Variants in DNAJB6 observed in about 807,000 individuals in gnomAD.
DNAJB6 encodes dnaJ homolog subfamily B member 6.
In DNAJB6, 16 loss-of-function variants were observed where a neutral mutation model predicts 42.7. The observed-to-expected ratio is 0.37, with a 90% CI of 0.25 to 0.57. The LOEUF is 0.57. DNAJB6 is among the 20% of genes least tolerant of loss of function. DNAJB6 has a pLI of 0.74. For missense variants in DNAJB6, 347 were observed against 416.8 expected, an observed-to-expected ratio of 0.83 and a Z score of 1.46; for synonymous variants, 170 against 163.5, an observed-to-expected ratio of 1.04 and a Z score of -0.30.
chr7:157,356,086 C>T (rs1358726250), intron 1 of DNAJB6, among the ~76,000 whole-genome samples: 1 of 152,178 alleles, frequency 6.6e-6, no homozygotes, highest in East Asian at 1.9e-4. Context: ...ATTGAATGGC[C>T]TCTTGCTATA....
Position 157,366,551 on chromosome 7 carries a change from T to G in DNAJB6, c.225T>G (p.Gly75=). The G allele has an allele frequency of 5.0e-6, 8 of 1,613,816 alleles. No homozygotes were observed. Among genetic ancestry groups the G allele is most frequent in the Non-Finnish European group, 6.8e-6 (8 of 1,179,900 alleles). ...YDKYGKEGLN[G]GGGGGSHFDS... ...AATATGGCAAAGAAGGATTAAATGG[T>G]GGAGGAGGAGGTAAGTACGTGAGTT... Residue 75 remains glycine (G), a synonymous_variant, in exon 4 of 10, where the codon GGT becomes GGG. Transcript: ENST00000262177.
chr7:157,415,545 C>T (rs1191746863), intron 9 of DNAJB6: 4 of 176,196 alleles, frequency 2.3e-5, no homozygotes, highest in East Asian at 3.1e-4. Context: ...CACACCTTTG[C>T]GCAGGCCCAG....
chr7:157,360,092 G>A (rs1253530167), intron 2 of DNAJB6, among the ~76,000 whole-genome samples: 3 of 152,220 alleles, frequency 2.0e-5, no homozygotes, highest in African/African-American at 4.8e-5. Flanking sequence ...GTTAATGGAT[G>A]TATTAGTCTG....
chr7:157,352,014 C>A (rs1020771620), intron 1 of DNAJB6, among the ~76,000 whole-genome samples: 1 of 150,428 alleles, frequency 6.6e-6, no homozygotes, highest in Non-Finnish European at 1.5e-5. Context: ...AACAAACAAA[C>A]AAACAAAAAA....
intron 8 of DNAJB6, among the ~76,000 whole-genome samples, chr7:157,404,892 G>A (rs918914552): frequency 6.6e-6 from 1 of 152,192 alleles, no homozygotes; most frequent in Non-Finnish European, 1.5e-5. Context: ...TCCTGCCTCA[G>A]CCTCCCAAAG....
Position 157,358,531 on chromosome 7 carries a change from C to A in DNAJB6, c.-26-16C>A. Reference sequence around the variant, plus strand: ...CCCCAGCAGCCTCATCACTGACCACCTGTTTTTACTTGCAGGACCCATTCC... The same window carrying A: ...CCCCAGCAGCCTCATCACTGACCACATGTTTTTACTTGCAGGACCCATTCC... On this transcript the variant is annotated splice_polypyrimidine_tract_variant and intron_variant, in intron 1 of 9. Transcript: ENST00000262177. The A allele has an allele frequency of 6.4e-7, 1 of 1,561,310 alleles. No homozygotes were observed. Among genetic ancestry groups the A allele is most frequent in the South Asian group, 1.1e-5 (1 of 89,890 alleles).
intron 9 of DNAJB6, chr7:157,413,555 A>G (rs1254537180): frequency 6.6e-6 from 1 of 152,228 alleles, no homozygotes; most frequent in Non-Finnish European, 1.5e-5. Flanking sequence ...CAAGTTTTTA[A>G]GTAGTCACTG....
chr7:157,410,266 G>A (rs1189520827), intron 9 of DNAJB6: 1 of 732,142 alleles, frequency 1.4e-6, no homozygotes, highest in Non-Finnish European at 2.0e-6. Flanking sequence ...GGATGACAGA[G>A]CTGCCACGGC....
At chr7:157,399,550 G>A (rs1350062373) in intron 8 of DNAJB6, among the ~76,000 whole-genome samples, 1 of 152,204 alleles carries the variant, frequency 6.6e-6, no homozygotes, top group Non-Finnish European at 1.5e-5. Context: ...CAGTCGGCCG[G>A]GCCCTGCAGC....
chr7:157,341,032 G>A, intron 1 of DNAJB6, among the ~76,000 whole-genome samples: 1 of 149,996 alleles, frequency 6.7e-6, no homozygotes, highest in Non-Finnish European at 1.5e-5. Context: ...TGTGTGCCCA[G>A]GCTGGTCTCG....
chr7:157,345,648 C>A (rs1297962536), intron 1 of DNAJB6, among the ~76,000 whole-genome samples: 1 of 152,100 alleles, frequency 6.6e-6, no homozygotes, highest in East Asian at 1.9e-4. Context: ...TCTGTTTCGG[C>A]TTTTGTTCCT....
chr7:157,340,443 T>C (rs1798301620), intron 1 of DNAJB6, among the ~76,000 whole-genome samples: 1 of 152,052 alleles, frequency 6.6e-6, no homozygotes, highest in African/African-American at 2.4e-5. Flanking sequence ...AAGAGCAAAG[T>C]TGGTGAAAAC....
chr7:157,352,070 G>A (rs986206777), intron 1 of DNAJB6, among the ~76,000 whole-genome samples: 7 of 152,036 alleles, frequency 4.6e-5, no homozygotes, highest in African/African-American at 1.4e-4. Flanking sequence ...TGTGGCTCAC[G>A]CCTGTATTCC....
intron 5 of DNAJB6, among the ~76,000 whole-genome samples, chr7:157,377,052 A>G (rs1211818888): frequency 6.6e-6 from 1 of 152,202 alleles, no homozygotes; most frequent in Non-Finnish European, 1.5e-5. Context: ...GTTAAGATAA[A>G]AGATCGTGGA....
At chr7:157,372,774 G>A (rs989233532) in intron 5 of DNAJB6, among the ~76,000 whole-genome samples, 1 of 152,170 alleles carries the variant, frequency 6.6e-6, no homozygotes, top group African/African-American at 2.4e-5. Context: ...AGTCCTGGAG[G>A]CTGGCCATGT....
chr7:157,392,568 C>T (rs78985854), intron 8 of DNAJB6, among the ~76,000 whole-genome samples: 1,678 of 152,206 alleles, frequency 0.011, 30 homozygotes, highest in East Asian at 0.06. Context: ...TTCTTGCCCG[C>T]GTTTCTGCCG....
rs371528962 is a variant in DNAJB6, at chr7:157,371,211, C to T, written c.346+3728C>T. ...AAGAATTGTCTTCCATGAAACCAGTCCCTGGTGGCAAAAAGGTTGGGGACC... is the reference window on the plus strand; with the variant it reads ...AAGAATTGTCTTCCATGAAACCAGTTCCTGGTGGCAAAAAGGTTGGGGACC... On this transcript the variant is annotated intron_variant, in intron 5 of 9. Transcript: ENST00000262177. 2.2e-4 allele frequency among the ~76,000 whole-genome samples: 34 copies of T among 152,350 alleles called. 1 individual carries two copies. In the South Asian group the frequency reaches 6.8e-3, roughly 31 times the overall value.
rs1022253448 is a variant in DNAJB6 at position 157,416,826 on chromosome 7, G to A, written c.*728G>A. The A allele has an allele frequency of 6.6e-6, 1 of 152,172 alleles. No homozygotes were observed. Among genetic ancestry groups the A allele is most frequent in the Admixed American group, 6.5e-5 (1 of 15,278 alleles). The allele number at this position is 152,172 out of a possible 1,614,324, so 9.4% of individuals were successfully genotyped here. Reference sequence around the variant, plus strand: ...CCTAGTGTCCATGGGTTAGGGCCATGCTGGGGAAAACGGGCCGGTATTTAC... The same window carrying A: ...CCTAGTGTCCATGGGTTAGGGCCATACTGGGGAAAACGGGCCGGTATTTAC... On this transcript the variant is annotated 3_prime_UTR_variant, in exon 10 of 10. Coordinates refer to ENST00000262177, the MANE Select transcript of DNAJB6 (RefSeq NM_058246.4).
At chr7:157,404,750 C>T (rs1253812864) in intron 8 of DNAJB6, among the ~76,000 whole-genome samples, 1 of 152,096 alleles carries the variant, frequency 6.6e-6, no homozygotes, top group African/African-American at 2.4e-5. Context: ...AAGTGATCCG[C>T]CTGCCTCAGC....
Sources: allele counts gnomAD v4.1 joint callset (sites outside exome capture counted in the v4.1 genomes callset), GRCh38; gene constraint gnomAD v4.1.1; transcripts MANE v1.5; gene names NCBI Gene and HGNC (gene_info 2026-07-23, HGNC 2026-07-21).